The following C1R variants were observed in gnomAD, a reference collection of about 807,000 sequenced individuals.
The protein encoded by C1R is complement C1r, also known as complement C1r subcomponent.
Under a neutral mutation model 27.6 loss-of-function variants are expected in C1R, and 15 were observed. The ratio of observed to expected loss-of-function variants is 0.54; its 90% CI spans 0.36 to 0.84. C1R has a LOEUF of 0.84. Among genes scored for constraint, C1R ranks in the 40% least tolerant of loss-of-function variants. The probability of loss-of-function intolerance (pLI) is 0.01; values close to 1 mark genes in which losing one functional copy is unlikely to be tolerated. For synonymous variants in C1R, 253 were observed against 228.8 expected, an observed-to-expected ratio of 1.11 and a Z score of -0.95; for missense variants, 544 against 577.9, an observed-to-expected ratio of 0.94 and a Z score of 0.60.
Position 7,091,529 on chromosome 12 carries a change from TGG to T in C1R, c.152_153del (p.Pro51HisfsTer13), listed in dbSNP as rs778842370. 3.7e-5 allele frequency: 29 copies of T among 778,768 alleles called. No homozygotes were observed. The Admixed American group carries it at 4.1e-4, about 11-fold the overall frequency. The allele number at this position is 778,768 out of a possible 1,614,324, so 48.2% of individuals were successfully genotyped here. A position where few individuals can be genotyped will look rare whatever the true frequency, so the allele number is the denominator to read the frequency against. Reference protein sequence around the residue: ...NFETTTVITVPTGYRVKLVFQ... With the variant: ...NFETTTVITVXTGYRVKLVFQ... The stretch of plus-strand genomic sequence containing the variant: ...AAGACGAGCTTCACCCTGTATCCCG[TGG>T]GGACTGTGATCACAGTGGTTGTTTC... On this transcript the variant is annotated frameshift_variant, in exon 2 of 11. Coordinates refer to ENST00000647956, the MANE Select transcript of C1R (RefSeq NM_001733.7). LOFTEE classifies it high-confidence loss of function. The surrounding 1 kb of genome is among the most constrained non-coding windows in gnomAD (Gnocchi z 5.1).
chr12:7,088,292 C>T (rs1430129977), intron 7 of C1R, among the ~76,000 whole-genome samples: 1 of 152,146 alleles, frequency 6.6e-6, no homozygotes, highest in Non-Finnish European at 1.5e-5. Flanking sequence ...GAATCAGAGT[C>T]TCTGTTGGGG....
At position 7,092,431 on chromosome 12, in the gene C1R, C is replaced by T. The variant is rs762076010; in HGVS notation, c.-43G>A. ...GAATCCTGGGCTCTCCCGACAGCGT[C>T]TTCGTGCACTGTGTGCAGAGGGAGC... is the stretch of plus-strand genomic sequence containing the variant. On this transcript the variant is annotated 5_prime_UTR_variant, in exon 1 of 11. Transcript: ENST00000647956. 5.1e-6 allele frequency: 4 copies of T among 780,646 alleles called. No homozygotes were observed. Among genetic ancestry groups the T allele is most frequent in the Non-Finnish European group, 7.2e-6 (3 of 417,958 alleles). 48.4% of individuals were successfully genotyped at this position (780,646 alleles called of 1,614,324 possible).
At chr12:7,088,131 C>T (rs940395516) in intron 7 of C1R, among the ~76,000 whole-genome samples, 1 of 152,126 alleles carries the variant, frequency 6.6e-6, no homozygotes, top group Non-Finnish European at 1.5e-5. Flanking sequence ...GTGATGTTGA[C>T]GAGTCACTAC....
Position 7,088,068 on chromosome 12 carries a change from G to A in C1R, c.1038+542C>T, listed in dbSNP as rs541802481. Among the ~76,000 whole-genome samples, 48 of 152,304 alleles carry A rather than the reference G, an allele frequency of 3.2e-4. 1 individual carries two copies. The highest frequency in any genetic ancestry group is 9.8e-4 in the Admixed American group (15 of 15,302). On this transcript the variant is annotated intron_variant, in intron 7 of 10. Transcript: ENST00000647956. ...CCACCAACATGTGTAAAAGAGCCCC[G>A]GAGCAGGAGGCAGGAGATTGGCGTC...
At chr12:7,090,800 C>T (rs756246876) in intron 2 of C1R, among the ~76,000 whole-genome samples, 1 of 152,310 alleles carries the variant, frequency 6.6e-6, no homozygotes, top group East Asian at 1.9e-4. Context: ...CTTGACTCTG[C>T]CAGCAAACGC....
At position 7,082,110 on chromosome 12, in the gene C1R, A is replaced by G; in HGVS notation, c.1274-4T>C. ...TGTGCTGTGCAGGTGTACACCCCTGAGGGCAGAGGAGGCAAGAATCAAGTT... is the reference window on the plus strand; with the variant it reads ...TGTGCTGTGCAGGTGTACACCCCTGGGGGCAGAGGAGGCAAGAATCAAGTT... On this transcript the variant is annotated splice_polypyrimidine_tract_variant and splice_region_variant and intron_variant, in intron 9 of 10. Transcript: ENST00000647956. 6.8e-7 allele frequency: 1 copy of G among 1,473,692 alleles called. No individual in the cohort carries two copies. Among genetic ancestry groups the G allele is most frequent in the Non-Finnish European group, 9.2e-7 (1 of 1,088,922 alleles). The allele number at this position is 1,473,692 out of a possible 1,614,324, so 91.3% of individuals were successfully genotyped here.
intron 5 of C1R, 71 bp from the exon 6 acceptor site, chr12:7,089,057 G>A: frequency 1.5e-6 from 1 of 653,696 alleles, no homozygotes; most frequent in Non-Finnish European, 2.8e-6. Flanking sequence ...GTAGTAGCCT[G>A]GTGGCCAGGG....
chr12:7,080,482 T>G lies in C1R; in HGVS notation c.*50A>C. ...CAACAACTGGTCAGTTGTTTTTTGT[T>G]TTTTTTTTTCCACACTGCTCTCTGG... On this transcript the variant is annotated 3_prime_UTR_variant, in exon 11 of 11. Coordinates refer to ENST00000647956, the MANE Select transcript of C1R (RefSeq NM_001733.7). This position sits in a 1 kb window ranked among gnomAD's most constrained non-coding sequence, Gnocchi z 4.9. 1 of 1,475,392 alleles carries G rather than the reference T, an allele frequency of 6.8e-7. No individual in the cohort carries two copies. The highest frequency in any genetic ancestry group is 1.8e-4 in the Middle Eastern group (1 of 5,460). 91.4% of individuals were successfully genotyped at this position (1,475,392 alleles called of 1,614,324 possible).
At position 7,091,852 on chromosome 12, in the gene C1R, C is replaced by T. The variant is rs1435497208; in HGVS notation, c.3-172G>A. ...GGGGTGCGTGGGTGGGGAGGATGGC[C>T]TGTGCAGCTGCTGCATCGGGTCACT... On this transcript the variant is annotated intron_variant, in intron 1 of 10. Transcript: ENST00000647956. This position sits in a 1 kb window ranked among gnomAD's most constrained non-coding sequence, Gnocchi z 5.1. The T allele has an allele frequency of 5.7e-6, 4 of 699,152 alleles. No homozygotes were observed. The highest frequency in any genetic ancestry group is 4.5e-5 in the South Asian group (3 of 66,690). The allele number at this position is 699,152 out of a possible 1,614,324, so 43.3% of individuals were successfully genotyped here.
At position 7,081,038 on chromosome 12, in the gene C1R, G is replaced by T. The variant is rs772908853; in HGVS notation, c.1612C>A (p.Arg538Ser). ...TAGTCCGGGTGGACGCTGACCCTGC[G>T]GATGGGGTGATTTCCTAGCTTCATG... is the stretch of plus-strand genomic sequence containing the variant. ...ELMKLGNHPIRRVSVHPDYRQ... is the reference protein window; with the variant it reads ...ELMKLGNHPISRVSVHPDYRQ... Residue 538 changes from arginine (R) to serine (S), a missense_variant, in exon 11 of 11, where the codon CGC becomes AGC. Coordinates refer to ENST00000647956, the MANE Select transcript of C1R (RefSeq NM_001733.7). 6.2e-7 allele frequency: 1 copy of T among 1,614,014 alleles called. No individual in the cohort carries two copies. The highest frequency in any genetic ancestry group is 8.5e-7 in the Non-Finnish European group (1 of 1,179,890).
At chr12:7,082,738 G>A (rs999070580) in intron 9 of C1R, among the ~76,000 whole-genome samples, 37 of 152,300 alleles carry the variant, frequency 2.4e-4, no homozygotes, top group African/African-American at 6.7e-4. Context: ...CATCTTGGTC[G>A]TGGAATCATA....
At chr12:7,087,728 A>G (rs917983694) in intron 7 of C1R, 1 of 154,424 alleles carries the variant, frequency 6.5e-6, no homozygotes, top group African/African-American at 2.4e-5. Flanking sequence ...TGTGAGCTCC[A>G]CAAAGGCTGT....
chr12:7,081,279 G>C lies in C1R; in HGVS notation c.1371C>G (p.Pro457=), dbSNP rs202051484. 1.7e-4 allele frequency: 280 copies of C among 1,610,740 alleles called. 1 individual carries two copies. In the African/African-American group the frequency reaches 3.4e-3, roughly 19 times the overall value. ...CLPVCGKPVN[P]VEQRQRIIGG... ...CGATGATGCGCTGCCTCTGTTCCAC[G>C]GGGTTCACGGGCTTCCCACACACTG... Residue 457 remains proline, a synonymous_variant, in exon 11 of 11, where the codon CCC becomes CCG. Transcript: ENST00000647956.
At chr12:7,088,790 C>G (rs1182343650) in intron 6 of C1R, 49 bp downstream of exon 6, 1 of 774,580 alleles carries the variant, frequency 1.3e-6, no homozygotes, top group Non-Finnish European at 2.4e-6. Flanking sequence ...CCTTCTTCCC[C>G]CCTTTTCCCC....
rs924771093 is a variant in C1R, at chr12:7,088,983, A to G, written c.772T>C (p.Tyr258His). The G allele has an allele frequency of 1.4e-6, 1 of 726,392 alleles. No homozygotes were observed. The highest frequency in any genetic ancestry group is 2.5e-6 in the Non-Finnish European group (1 of 395,694). The allele number at this position is 726,392 out of a possible 1,614,324, so 45.0% of individuals were successfully genotyped here. The part of the protein sequence containing the change: ...VHCPYDQLQI[Y>H]ANGKNIGEFC... ...TCGCCAATGTTCTTCCCGTTGGCAT[A>G]GATCTAGTAGGGGAGGAGGGTTTTT... Residue 258 changes from tyrosine (Y) to histidine (H), a missense_variant, in exon 6 of 11, where the codon TAT (tyrosine) becomes CAT (histidine). Physicochemically the swap from Tyr to His is moderately conservative, Grantham distance 83. Coordinates refer to ENST00000647956, the MANE Select transcript of C1R (RefSeq NM_001733.7).
At chr12:7,081,349 C>A in intron 10 of C1R, 48 bp from the exon 11 acceptor site, 1 of 1,540,918 alleles carries the variant, frequency 6.5e-7, no homozygotes, top group Non-Finnish European at 8.9e-7. Context: ...CCAGGTCCCA[C>A]ATCTCTTCCT....
rs140371574 is a variant in C1R at position 7,090,770 on chromosome 12, C to T, written c.232-522G>A. On this transcript the variant is annotated intron_variant, in intron 2 of 10. Coordinates refer to ENST00000647956, the MANE Select transcript of C1R (RefSeq NM_001733.7). Reference sequence around the variant, plus strand: ...TGCCTCGTCCCTCTTCCTTCCTCCTCACAGCCTCCTCAACCTCTCCTTGAC... The same window carrying T: ...TGCCTCGTCCCTCTTCCTTCCTCCTTACAGCCTCCTCAACCTCTCCTTGAC... Among the ~76,000 whole-genome samples the T allele has an allele frequency of 2.0e-4, 30 of 152,348 alleles. 1 individual carries two copies. In the East Asian group the frequency reaches 5.6e-3, roughly 28 times the overall value.
chr12:7,081,068 C>G lies in C1R; in HGVS notation c.1582G>C (p.Glu528Gln). 5 of 1,614,068 alleles carry G rather than the reference C, an allele frequency of 3.1e-6. No homozygotes were observed. Among genetic ancestry groups the G allele is most frequent in the Non-Finnish European group, 4.2e-6 (5 of 1,179,900 alleles). Residue 528 changes from glutamate to glutamine, a missense_variant, in exon 11 of 11, where the codon GAG becomes CAG. Glu to Gln is a conservative substitution (Grantham distance 29). This residue lies in a region of C1R where 253 missense variants were observed against 368.9 expected (regional missense o/e 0.69). Coordinates refer to ENST00000647956, the MANE Select transcript of C1R (RefSeq NM_001733.7). ...GGGTGATTTCCTAGCTTCATGAGCT[C>G]TTCCACATTTGTGTGGCCCAGGAAC... Reference protein sequence around the residue: ...DVFLGHTNVEELMKLGNHPIR... With the variant: ...DVFLGHTNVEQLMKLGNHPIR...
intron 9 of C1R, among the ~76,000 whole-genome samples, chr12:7,084,868 G>C (rs1165494056): frequency 6.7e-6 from 1 of 149,996 alleles, no homozygotes; most frequent in East Asian, 1.9e-4. Context: ...TGTTGGTAAT[G>C]GTGGTAGTGA....
Sources: allele counts gnomAD v4.1 joint callset (sites outside exome capture counted in the v4.1 genomes callset), GRCh38; gene constraint gnomAD v4.1.1; regional missense constraint gnomAD v4.1.1; non-coding constraint Gnocchi (gnomAD v3.1); transcripts MANE v1.5; gene names NCBI Gene and HGNC (gene_info 2026-07-23, HGNC 2026-07-21).